The following DISC1 variants were observed in gnomAD, a reference collection of about 807,000 sequenced individuals.
DISC1 encodes the protein DISC1 scaffold protein.
DISC1 carries 57 observed loss-of-function variants against 84.5 expected under a neutral mutation model. That is an observed-to-expected ratio of 0.67 (90% CI 0.55 to 0.84). The LOEUF is 0.84. Among genes scored for constraint, DISC1 ranks in the 40% least tolerant of loss-of-function variants. The pLI, the probability that DISC1 is intolerant of heterozygous loss-of-function variation, is 0.00. For missense variants in DISC1, 1,000 were observed against 1,057.8 expected (o/e 0.95, Z 0.76); for synonymous variants, 411 against 415.2 (o/e 0.99, Z 0.12).
At chr1:231,818,551 TTGA>T (rs1334316006) in intron 9 of DISC1, 34 bp downstream of exon 9, 2 of 1,613,118 alleles carry the variant, frequency 1.2e-6, no homozygotes, top group East Asian at 2.2e-5. Context: ...CGGCAAGATA[TTGA>T]TGATATTTGT....
In DISC1 at chr1:231,630,387, G is replaced by A. The variant is rs2125080716; in HGVS notation, c.67+3453G>A. Reference sequence around the variant, plus strand: ...TCCTTATTTTGGCCAGATTGACCTTGAGCCTCAAGCAACTTCTGCCTCGAC... The same window carrying A: ...TCCTTATTTTGGCCAGATTGACCTTAAGCCTCAAGCAACTTCTGCCTCGAC... On this transcript the variant is annotated intron_variant, in intron 1 of 12. Transcript: ENST00000439617. The surrounding 1 kb of genome is among the most constrained non-coding windows in gnomAD (Gnocchi z 4.4). 6.6e-6 allele frequency among the ~76,000 whole-genome samples: 1 copy of A among 151,726 alleles called. No homozygotes were observed. The highest frequency in any genetic ancestry group is 2.1e-4 in the South Asian group (1 of 4,806).
chr1:232,036,860 G>T lies in DISC1; in HGVS notation c.*29G>T. 3 of 1,453,868 alleles carry T rather than the reference G, an allele frequency of 2.1e-6. No individual in the cohort carries two copies. The highest frequency in any genetic ancestry group is 2.6e-5 in the East Asian group (1 of 39,212). The allele number at this position is 1,453,868 out of a possible 1,614,324, so 90.1% of individuals were successfully genotyped here. A position where few individuals can be genotyped will look rare whatever the true frequency, so the allele number is the denominator to read the frequency against. On this transcript the variant is annotated 3_prime_UTR_variant, in exon 13 of 13. Transcript: ENST00000439617. ...GTGACGGGATGGGGGAGGGAGGTGG[G>T]CCACCATGTTTGGACCCGGGGGGCT...
chr1:231,957,482 C>T (rs564462876), intron 9 of DISC1, among the ~76,000 whole-genome samples: 5 of 152,220 alleles, frequency 3.3e-5, no homozygotes, highest in South Asian at 4.1e-4. Flanking sequence ...ACTACAGAAG[C>T]AGGAATCTTT....
intron 12 of DISC1, among the ~76,000 whole-genome samples, chr1:232,032,650 T>G (rs2103062592): frequency 6.6e-6 from 1 of 152,346 alleles, no homozygotes; most frequent in South Asian, 2.1e-4. Flanking sequence ...GGGCAGATAC[T>G]TAGCTACTCA....
In DISC1 at chr1:231,840,648, T is replaced by C. The variant is rs1220099775; in HGVS notation, c.1981+22131T>C. Reference sequence around the variant, plus strand: ...TTGGGAGAGGGGCTGGGGAAGGGTCTGATTAGAAATTAACAGCCCAAGGGA... The same window carrying C: ...TTGGGAGAGGGGCTGGGGAAGGGTCCGATTAGAAATTAACAGCCCAAGGGA... On this transcript the variant is annotated intron_variant, in intron 9 of 12. Transcript: ENST00000439617. Among the ~76,000 whole-genome samples, 4 of 152,138 alleles carry C rather than the reference T, an allele frequency of 2.6e-5. No individual in the cohort carries two copies. The South Asian group carries it at 6.2e-4, about 24-fold the overall frequency.
intron 5 of DISC1, among the ~76,000 whole-genome samples, chr1:231,769,398 C>T (rs1163483945): frequency 1.3e-5 from 2 of 152,098 alleles, no homozygotes; most frequent in Non-Finnish European, 2.9e-5. Flanking sequence ...AAATGATAAA[C>T]AAAATGAGTA....
At position 231,626,907 on chromosome 1, in the gene DISC1, G is replaced by A. The variant is rs1011857318; in HGVS notation, c.40G>A (p.Gly14Ser). ...GGPQGAPAAA[G>S]GGGVSHRAGS... The stretch of plus-strand genomic sequence containing the variant: ...TCCTCAGGGCGCCCCAGCCGCCGCC[G>A]GCGGCGGCGGCGTGAGCCACCGCGC... The change falls in exon 1 of 13, where the codon GGC becomes AGC. Residue 14 changes from glycine (G) to serine (S), a missense_variant. By Grantham distance (56) the Gly-to-Ser change is moderately conservative. Coordinates refer to ENST00000439617, the MANE Select transcript of DISC1 (RefSeq NM_018662.3). 4 of 1,495,058 alleles carry A rather than the reference G, an allele frequency of 2.7e-6. No individual in the cohort carries two copies. Among genetic ancestry groups the A allele is most frequent in the Non-Finnish European group, 3.5e-6 (4 of 1,129,876 alleles). 92.6% of individuals were successfully genotyped at this position (1,495,058 alleles called of 1,614,324 possible).
intron 9 of DISC1, among the ~76,000 whole-genome samples, chr1:231,949,042 G>A (rs1657835660): frequency 6.6e-6 from 1 of 151,754 alleles, no homozygotes; most frequent in South Asian, 2.1e-4. Flanking sequence ...GCTAATTTTT[G>A]TATTTTTAGT....
At chr1:231,802,915 A>G (rs1466779911) in intron 8 of DISC1, among the ~76,000 whole-genome samples, 4 of 151,946 alleles carry the variant, frequency 2.6e-5, no homozygotes, top group Non-Finnish European at 5.9e-5. Context: ...GCTTCTGCCT[A>G]CTACCAAGTC....
chr1:231,832,812 A>G (rs1230937227), intron 9 of DISC1, among the ~76,000 whole-genome samples: 1 of 149,254 alleles, frequency 6.7e-6, no homozygotes, highest in South Asian at 2.2e-4. Flanking sequence ...ATCCTGAACT[A>G]ACCTGTAAGG....
chr1:231,712,381 A>G (rs1319361217), intron 3 of DISC1, among the ~76,000 whole-genome samples: 1 of 152,230 alleles, frequency 6.6e-6, no homozygotes, highest in South Asian at 2.1e-4. Flanking sequence ...CGTTAGCAAA[A>G]TGGTAGAGTT....
At chr1:231,782,475 C>G (rs1445205317) in intron 6 of DISC1, among the ~76,000 whole-genome samples, 1 of 152,212 alleles carries the variant, frequency 6.6e-6, no homozygotes, top group Non-Finnish European at 1.5e-5. Flanking sequence ...TTGAGCTGTG[C>G]ATATGCTTAT....
chr1:231,645,358 AC>A (rs2060034239), intron 1 of DISC1, among the ~76,000 whole-genome samples: 1 of 152,082 alleles, frequency 6.6e-6, no homozygotes, highest in Non-Finnish European at 1.5e-5. Flanking sequence ...GCTTCCTTGT[AC>A]AAGTCAAACC....
chr1:231,807,113 CA>C (rs1240867664), intron 8 of DISC1, among the ~76,000 whole-genome samples: 1 of 152,250 alleles, frequency 6.6e-6, no homozygotes, highest in East Asian at 1.9e-4. Flanking sequence ...TAAGACTTAG[CA>C]ACAAGCATCC....
intron 7 of DISC1, among the ~76,000 whole-genome samples, chr1:231,798,719 A>G (rs113418575): frequency 6.6e-6 from 1 of 152,158 alleles, no homozygotes; most frequent in Non-Finnish European, 1.5e-5. Flanking sequence ...CGGATGCCCA[A>G]CATCACCAGT....
intron 9 of DISC1, among the ~76,000 whole-genome samples, chr1:231,934,498 A>G (rs1221510998): frequency 3.9e-5 from 6 of 152,218 alleles, no homozygotes; most frequent in Admixed American, 3.9e-4. Flanking sequence ...CAGATAAGTG[A>G]AGAAACAAGT....
At chr1:231,979,642 TATATATGAA>T (rs1663319850) in intron 10 of DISC1, among the ~76,000 whole-genome samples, 2 of 151,182 alleles carry the variant, frequency 1.3e-5, no homozygotes, top group African/African-American at 4.9e-5. Flanking sequence ...TATTTCTCTC[TATATATGAA>T]ATAATATATC....
At chr1:231,915,866 G>T (rs1234263385) in intron 9 of DISC1, among the ~76,000 whole-genome samples, 1 of 152,186 alleles carries the variant, frequency 6.6e-6, no homozygotes, top group Non-Finnish European at 1.5e-5. Flanking sequence ...GCAGGCTCTG[G>T]CCAGGCTCAG....
rs1306639416 is a variant in DISC1, at chr1:231,954,454, T to C, written c.1982-4374T>C. Among the ~76,000 whole-genome samples the C allele has an allele frequency of 6.6e-6, 1 of 152,150 alleles. No homozygotes were observed. The highest frequency in any genetic ancestry group is 1.9e-4 in the East Asian group (1 of 5,202). ...AACTAATTGTATGAATTCCACTCTG[T>C]TATCATGGCCTGAACCTGAATATCA... On this transcript the variant is annotated intron_variant, in intron 9 of 12. Coordinates refer to ENST00000439617, the MANE Select transcript of DISC1 (RefSeq NM_018662.3). This position sits in a 1 kb window ranked among gnomAD's most constrained non-coding sequence, Gnocchi z 4.8.
Sources: allele counts gnomAD v4.1 joint callset (sites outside exome capture counted in the v4.1 genomes callset), GRCh38; gene constraint gnomAD v4.1.1; non-coding constraint Gnocchi (gnomAD v3.1); transcripts MANE v1.5; gene names NCBI Gene and HGNC (gene_info 2026-07-23, HGNC 2026-07-21).